PTPRD: variants seen among roughly 807,000 people sequenced by gnomAD.
PTPRD encodes protein tyrosine phosphatase receptor type D, also known as receptor-type tyrosine-protein phosphatase delta.
A neutral mutation model predicts 214.5 loss-of-function variants in PTPRD; 34 were observed. The ratio of observed to expected loss-of-function variants is 0.16; its 90% CI spans 0.12 to 0.21. PTPRD has a LOEUF of 0.21. Ranked by LOEUF, PTPRD falls within the 10% of genes least tolerant of loss-of-function variation. The pLI, the probability that PTPRD is intolerant of heterozygous loss-of-function variation, is 1.00. For synonymous variants in PTPRD, 1,128 were observed against 845.7 expected, an observed-to-expected ratio of 1.33 and a Z score of -5.79; for missense variants, 2,545 against 2,398.7, an observed-to-expected ratio of 1.06 and a Z score of -1.27.
intron 12 of PTPRD, among the ~76,000 whole-genome samples, chr9:8,707,591 G>A (rs1217858354): frequency 6.6e-6 from 1 of 152,190 alleles, no homozygotes; most frequent in Admixed American, 6.5e-5. Context: ...CAGGCAGTTA[G>A]GGAGGTGAGT....
chr9:9,699,129 G>A (rs745548711), intron 7 of PTPRD, among the ~76,000 whole-genome samples: 1 of 152,098 alleles, frequency 6.6e-6, no homozygotes, highest in Admixed American at 6.6e-5. Context: ...AAAAAGAACT[G>A]ATAATTGGCT....
chr9:9,297,941 A>G (rs1040074202), intron 9 of PTPRD, among the ~76,000 whole-genome samples: 1 of 151,634 alleles, frequency 6.6e-6, no homozygotes, highest in African/African-American at 2.4e-5. Context: ...CTTCCGTTTT[A>G]TAGAATTTAA....
intron 11 of PTPRD, among the ~76,000 whole-genome samples, chr9:8,904,744 A>G (rs1317978782): frequency 2.0e-5 from 3 of 151,912 alleles, no homozygotes; most frequent in Admixed American, 2.0e-4. Flanking sequence ...ATAATCGTAT[A>G]TTACTGTGGT....
chr9:8,684,127 C>T (rs1458792107), intron 12 of PTPRD, among the ~76,000 whole-genome samples: 7 of 152,094 alleles, frequency 4.6e-5, no homozygotes. Flanking sequence ...GAATTACTAA[C>T]CTATAGAAAT....
chr9:9,293,447 C>T (rs1465726890), intron 9 of PTPRD, among the ~76,000 whole-genome samples: 1 of 149,120 alleles, frequency 6.7e-6, no homozygotes, highest in Non-Finnish European at 1.5e-5. Context: ...TACAAGCTGT[C>T]CCAGGCATAT....
At chr9:9,381,305 A>T (rs1339002828) in intron 9 of PTPRD, among the ~76,000 whole-genome samples, 1 of 150,634 alleles carries the variant, frequency 6.6e-6, no homozygotes, top group Admixed American at 6.6e-5. Flanking sequence ...GAGTAGTTTT[A>T]ATTGTACATT....
intron 7 of PTPRD, among the ~76,000 whole-genome samples, chr9:9,602,222 A>G (rs545457185): frequency 2.6e-5 from 4 of 152,094 alleles, no homozygotes; most frequent in Non-Finnish European, 4.4e-5. Flanking sequence ...AAACATGTTA[A>G]TATTTACTTT....
intron 2 of PTPRD, among the ~76,000 whole-genome samples, chr9:10,369,894 CA>C (rs578113877): frequency 6.6e-6 from 1 of 151,824 alleles, no homozygotes; most frequent in Admixed American, 6.6e-5. Flanking sequence ...AACATAGTGT[CA>C]AAAAAAGAAC....
chr9:8,342,926 G>A (rs1048588806), intron 39 of PTPRD, among the ~76,000 whole-genome samples: 2 of 152,100 alleles, frequency 1.3e-5, no homozygotes, highest in African/African-American at 2.4e-5. Flanking sequence ...GAAGGATGAG[G>A]AATTAAAGAT....
At chr9:9,790,794 C>A (rs2098961391) in intron 5 of PTPRD, among the ~76,000 whole-genome samples, 2 of 152,022 alleles carry the variant, frequency 1.3e-5, no homozygotes, top group African/African-American at 4.8e-5. Flanking sequence ...TAATGTGTTT[C>A]AGTAGTTGCC....
chr9:8,331,832 A>AAAACAAAAAGGGTAG (rs1841498056), intron 43 of PTPRD, 96 bp from the exon 44 acceptor site: 1 of 1,429,256 alleles, frequency 7.0e-7, no homozygotes, highest in African/African-American at 1.5e-5. Context: ...TCATTTCCCG[A>AAAACAAAAAGGGTAG]AAACAAAAAG....
At position 8,464,345 on chromosome 9, in the gene PTPRD, C is replaced by A. The variant is rs577379235; in HGVS notation, c.3714+1121G>T. On this transcript the variant is annotated intron_variant, in intron 32 of 45. Transcript: ENST00000381196. ...ATTCCCTTGATGTTCTGCCTTAAAA[C>A]CTTCAACTAGAAAGAGAAAGCATAT... Among the ~76,000 whole-genome samples the A allele has an allele frequency of 3.9e-5, 6 of 152,106 alleles. No individual in the cohort carries two copies. In the South Asian group the frequency reaches 1.0e-3, roughly 26 times the overall value.
chr9:10,414,303 G>C (rs528199008), intron 2 of PTPRD, among the ~76,000 whole-genome samples: 92 of 152,030 alleles, frequency 6.1e-4, no homozygotes, highest in South Asian at 4.8e-3. Flanking sequence ...CTTTTCAAAA[G>C]AAGACATACA....
intron 4 of PTPRD, among the ~76,000 whole-genome samples, chr9:10,002,686 T>TG (rs981929411): frequency 3.2e-4 from 47 of 148,082 alleles, no homozygotes; most frequent in Non-Finnish European, 6.0e-4. Context: ...TCAAAATACT[T>TG]GAAAAAAAAA....
rs186793207 is a variant in PTPRD, at chr9:9,414,026, G to T, written c.-236-16544C>A. 2.0e-5 allele frequency among the ~76,000 whole-genome samples: 3 copies of T among 152,272 alleles called. No individual in the cohort carries two copies. In the East Asian group the frequency reaches 5.8e-4, roughly 29 times the overall value. ...CCTTTTTTCTTTTTCCTTTAGAAATGAGTATTGCATAGCTCTATTGAGAAT... is the reference window on the plus strand; with the variant it reads ...CCTTTTTTCTTTTTCCTTTAGAAATTAGTATTGCATAGCTCTATTGAGAAT... On this transcript the variant is annotated intron_variant, in intron 8 of 45. Coordinates refer to ENST00000381196, the MANE Select transcript of PTPRD (RefSeq NM_002839.4).
At position 10,204,401 on chromosome 9, in the gene PTPRD, G is replaced by C. The variant is rs562598902; in HGVS notation, c.-545+136562C>G. ...AATCCTCTAAATACATAAAAGGCCA[G>C]ATGTTTCCACACTAAGTTTTATCAC... On this transcript the variant is annotated intron_variant, in intron 3 of 45. Transcript: ENST00000381196. 6.6e-5 allele frequency among the ~76,000 whole-genome samples: 10 copies of C among 152,160 alleles called. No individual in the cohort carries two copies. The South Asian group carries it at 2.1e-3, about 32-fold the overall frequency.
rs540687634 is a variant in PTPRD, at chr9:9,916,529, A to C, written c.-368+21978T>G. 5.8e-3 allele frequency among the ~76,000 whole-genome samples: 884 copies of C among 152,042 alleles called. 4 individuals are homozygous for C. Among genetic ancestry groups the C allele is most frequent in the Admixed American group, 8.8e-3 (134 of 15,260 alleles). On this transcript the variant is annotated intron_variant, in intron 5 of 45. Transcript: ENST00000381196. The stretch of plus-strand genomic sequence containing the variant: ...GATTTTTAAAATCCTCTCTCTATAT[A>C]TATATATACATGTATGTATACATAT...
chr9:9,182,323 G>C (rs1171757540), intron 10 of PTPRD, among the ~76,000 whole-genome samples: 1 of 152,010 alleles, frequency 6.6e-6, no homozygotes, highest in East Asian at 1.9e-4. Context: ...ATCAACAGGG[G>C]ATAGGGACGG....
chr9:9,080,100 A>G (rs1200255114), intron 10 of PTPRD, among the ~76,000 whole-genome samples: 3 of 152,026 alleles, frequency 2.0e-5, no homozygotes, highest in African/African-American at 7.2e-5. Flanking sequence ...GTTATTGTCT[A>G]TTGAGCATCT....
Sources: gnomAD v4.1 joint callset for allele counts (sites outside exome capture counted in the v4.1 genomes callset) on GRCh38, gnomAD v4.1.1 for gene constraint, MANE v1.5 for transcripts, NCBI Gene and HGNC (gene_info 2026-07-23, HGNC 2026-07-21) for gene names.